CAPZA1: variants seen among roughly 807,000 people sequenced by gnomAD.
CAPZA1 encodes F-actin-capping protein subunit alpha-1.
In CAPZA1, 10 loss-of-function variants were observed where a neutral mutation model predicts 40.8. The ratio of observed to expected loss-of-function variants is 0.25; its 90% CI spans 0.15 to 0.42. CAPZA1 has a LOEUF of 0.42. Ranked by LOEUF, CAPZA1 falls within the 10% of genes least tolerant of loss-of-function variation. The pLI, the probability that CAPZA1 is intolerant of heterozygous loss-of-function variation, is 1.00. For missense variants in CAPZA1, 277 were observed against 353.8 expected, an observed-to-expected ratio of 0.78 and a Z score of 1.74; for synonymous variants, 98 against 115.0, an observed-to-expected ratio of 0.85 and a Z score of 0.95.
intron 1 of CAPZA1, among the ~76,000 whole-genome samples, chr1:112,621,294 T>C (rs1382739885): frequency 1.3e-5 from 2 of 152,198 alleles, no homozygotes; most frequent in East Asian, 3.8e-4. Flanking sequence ...AACAATTTTT[T>C]TTTTTTTTTG....
Position 112,647,140 on chromosome 1 carries a change from TGTTA to T in CAPZA1, c.40-69_40-66del. ...AGGGATATGATGAAAATTTATAATT[TGTTA>T]ATTATTTCTCCTTTTATATGTTACT... On this transcript the variant is annotated intron_variant, in intron 1 of 9. Transcript: ENST00000263168. 4.2e-6 allele frequency: 3 copies of T among 718,888 alleles called. No homozygotes were observed. In the South Asian group the frequency reaches 7.6e-5, roughly 18 times the overall value. The allele number at this position is 718,888 out of a possible 1,614,324, so 44.5% of individuals were successfully genotyped here. A position where few individuals can be genotyped will look rare whatever the true frequency, so the allele number is the denominator to read the frequency against.
At position 112,664,051 on chromosome 1, in the gene CAPZA1, G is replaced by A. The variant is rs113630555; in HGVS notation, c.586-3023G>A. 2.7e-3 allele frequency among the ~76,000 whole-genome samples: 408 copies of A among 152,042 alleles called. 2 individuals carry two copies. Among genetic ancestry groups the A allele is most frequent in the African/African-American group, 9.5e-3 (394 of 41,494 alleles). Reference sequence around the variant, plus strand: ...GATCGAGACCAGCCTGGGCAACACAGTGAAACCCCATCTCTGTTAAAAATA... The same window carrying A: ...GATCGAGACCAGCCTGGGCAACACAATGAAACCCCATCTCTGTTAAAAATA... On this transcript the variant is annotated intron_variant, in intron 7 of 9. Transcript: ENST00000263168.
rs1331930658 is a variant in CAPZA1 at position 112,670,002 on chromosome 1, G to C, written c.731G>C (p.Ser244Thr). 1.2e-6 allele frequency: 2 copies of C among 1,613,680 alleles called. No individual in the cohort carries two copies. Among genetic ancestry groups the C allele is most frequent in the African/African-American group, 2.7e-5 (2 of 74,896 alleles). Reference protein sequence around the residue: ...NAENEYQTAISENYQTMSDTT... With the variant: ...NAENEYQTAITENYQTMSDTT... Reference sequence around the variant, plus strand: ...AATTATCTATTGCAGACAGCAATTAGTGAAAACTATCAAACAATGTCAGAT... The same window carrying C: ...AATTATCTATTGCAGACAGCAATTACTGAAAACTATCAAACAATGTCAGAT... The change falls in exon 10 of 10, where the codon AGT becomes ACT. Residue 244 changes from serine to threonine, a missense_variant. Physicochemically the swap from Ser to Thr is moderately conservative, Grantham distance 58 (BLOSUM62 1). Around this residue, in one of 2 missense-constraint regions of CAPZA1, gnomAD observed 192 missense variants for 277.2 expected, o/e 0.69. Coordinates refer to ENST00000263168, the MANE Select transcript of CAPZA1 (RefSeq NM_006135.3).
intron 7 of CAPZA1, among the ~76,000 whole-genome samples, chr1:112,661,202 A>G (rs1450856219): frequency 6.6e-6 from 1 of 152,188 alleles, no homozygotes; most frequent in Non-Finnish European, 1.5e-5. Context: ...ATATATACCT[A>G]TAGCTTCCTG....
chr1:112,632,355 A>G (rs1557727719), intron 1 of CAPZA1, among the ~76,000 whole-genome samples: 1 of 152,244 alleles, frequency 6.6e-6, no homozygotes, highest in African/African-American at 2.4e-5. Flanking sequence ...AACTCCTAAT[A>G]CAGTAAAGAC....
chr1:112,667,781 C>T (rs1223931040), intron 8 of CAPZA1, among the ~76,000 whole-genome samples: 1 of 152,136 alleles, frequency 6.6e-6, no homozygotes, highest in Admixed American at 6.5e-5. Flanking sequence ...ATCCCCCTGC[C>T]TCAGCCTCCC....
intron 7 of CAPZA1, among the ~76,000 whole-genome samples, chr1:112,663,227 G>A (rs1410035461): frequency 6.6e-5 from 10 of 151,718 alleles, no homozygotes; most frequent in Non-Finnish European, 1.5e-4. Context: ...GCCTCCCAAA[G>A]TGCTGGGATT....
At chr1:112,646,339 G>GGAGGCC (rs1249242884) in intron 1 of CAPZA1, among the ~76,000 whole-genome samples, 1 of 152,196 alleles carries the variant, frequency 6.6e-6, no homozygotes, top group Non-Finnish European at 1.5e-5. Context: ...CAACACTTTG[G>GGAGGCC]GAGGCCGAGG....
At chr1:112,646,519 G>C (rs558192347) in intron 1 of CAPZA1, among the ~76,000 whole-genome samples, 84 of 152,306 alleles carry the variant, frequency 5.5e-4, no homozygotes, top group Non-Finnish European at 9.8e-4. Context: ...TGAGGCTGCA[G>C]TAAGCCTTGA....
At chr1:112,666,685 A>G (rs1671730118) in intron 7 of CAPZA1, among the ~76,000 whole-genome samples, 1 of 152,238 alleles carries the variant, frequency 6.6e-6, no homozygotes, top group Non-Finnish European at 1.5e-5. Flanking sequence ...AATATTAGGT[A>G]TGAGGATCCA....
Position 112,624,605 on chromosome 1 carries a change from CAAA to C in CAPZA1, c.39+4746_39+4748del, listed in dbSNP as rs34860716. On this transcript the variant is annotated intron_variant, in intron 1 of 9. Transcript: ENST00000263168. ...CCTGGGCAACAGAGCAAAACTCCATCAAAAAAAAAAAAAAAAAAAAAAAAAAGA... is the reference window on the plus strand; with the variant it reads ...CCTGGGCAACAGAGCAAAACTCCATCAAAAAAAAAAAAAAAAAAAAAAAGA... Among the ~76,000 whole-genome samples, 235 of 55,830 alleles carry C rather than the reference CAAA, an allele frequency of 4.2e-3. 1 individual carries two copies. The highest frequency in any genetic ancestry group is 0.018 in the African/African-American group (225 of 12,248). The allele number at this position is 55,830 out of a possible 152,430, so 36.6% of individuals were successfully genotyped here.
At chr1:112,650,913 A>T (rs1168579656) in intron 3 of CAPZA1, among the ~76,000 whole-genome samples, 1 of 152,202 alleles carries the variant, frequency 6.6e-6, no homozygotes, top group Non-Finnish European at 1.5e-5. Context: ...TTGTATTTAT[A>T]ACTATTCTGG....
intron 1 of CAPZA1, among the ~76,000 whole-genome samples, chr1:112,624,018 A>AAT: frequency 6.9e-6 from 1 of 144,352 alleles, no homozygotes; most frequent in Non-Finnish European, 1.5e-5. Flanking sequence ...AAAAAAAAAA[A>AAT]AAGAAAAAAG....
chr1:112,646,542 A>G (rs1671284553), intron 1 of CAPZA1, among the ~76,000 whole-genome samples: 1 of 152,186 alleles, frequency 6.6e-6, no homozygotes, highest in South Asian at 2.1e-4. Context: ...ATGCCACTGC[A>G]CTCCAGCCTG....
At chr1:112,638,999 A>G (rs1018621852) in intron 1 of CAPZA1, among the ~76,000 whole-genome samples, 17 of 145,000 alleles carry the variant, frequency 1.2e-4, no homozygotes, top group African/African-American at 4.2e-4. Flanking sequence ...ATATAATTAT[A>G]TATTATATAA....
At chr1:112,655,648 C>T (rs2101175308) in intron 5 of CAPZA1, among the ~76,000 whole-genome samples, 1 of 152,092 alleles carries the variant, frequency 6.6e-6, no homozygotes, top group African/African-American at 2.4e-5. Flanking sequence ...ATGTCACCTC[C>T]ATCTCCTGGG....
chr1:112,645,488 G>A (rs1275091561), intron 1 of CAPZA1, among the ~76,000 whole-genome samples: 1 of 151,928 alleles, frequency 6.6e-6, no homozygotes, highest in Non-Finnish European at 1.5e-5. Context: ...TTAAAAATTA[G>A]CCAGGCATGG....
intron 1 of CAPZA1, chr1:112,646,628 G>T (rs762860906): frequency 6.6e-6 from 1 of 152,068 alleles, no homozygotes; most frequent in African/African-American, 2.4e-5. Context: ...CATTATTAAG[G>T]TTGTTGTAGA....
In CAPZA1 at chr1:112,659,688, T is replaced by C; in HGVS notation, c.507-13T>C. 2 of 1,607,700 alleles carry C rather than the reference T, an allele frequency of 1.2e-6. No individual in the cohort carries two copies. The highest frequency in any genetic ancestry group is 1.7e-6 in the Non-Finnish European group (2 of 1,175,416). ...ATTGCTAATTCTGCAATGTTGTGTG[T>C]GTGTTTTAATAGGAATGGTCGTTGG... is the stretch of plus-strand genomic sequence containing the variant. On this transcript the variant is annotated splice_polypyrimidine_tract_variant and intron_variant, in intron 6 of 9. Transcript: ENST00000263168.
Sources: allele counts gnomAD v4.1 joint callset (sites outside exome capture counted in the v4.1 genomes callset), GRCh38; gene constraint gnomAD v4.1.1; regional missense constraint gnomAD v4.1.1; transcripts MANE v1.5; gene names NCBI Gene and HGNC (gene_info 2026-07-23, HGNC 2026-07-21).